Variants in GALNT2 observed in about 807,000 individuals in gnomAD.
GALNT2 encodes the protein polypeptide N-acetylgalactosaminyltransferase 2.
In GALNT2, 31 loss-of-function variants were observed where a neutral mutation model predicts 81.4. That is an observed-to-expected ratio of 0.38 (90% CI 0.29 to 0.51). GALNT2 has a LOEUF of 0.51. GALNT2 is among the 20% of genes least tolerant of loss of function. GALNT2 has a pLI of 0.87. For missense variants in GALNT2, 629 were observed against 765.7 expected, an observed-to-expected ratio of 0.82 and a Z score of 2.11; for synonymous variants, 303 against 287.4, an observed-to-expected ratio of 1.05 and a Z score of -0.55.
intron 1 of GALNT2, among the ~76,000 whole-genome samples, chr1:230,098,686 G>A (rs1221520776): frequency 6.6e-6 from 1 of 152,136 alleles, no homozygotes; most frequent in Admixed American, 6.5e-5. Context: ...TAACATCAAG[G>A]TTGTTTGATC....
intron 3 of GALNT2, among the ~76,000 whole-genome samples, chr1:230,207,735 C>T (rs888768271): frequency 2.0e-5 from 3 of 151,954 alleles, no homozygotes; most frequent in Non-Finnish European, 4.4e-5. Flanking sequence ...ACCGTGGGTG[C>T]GCATCATGAC....
intron 3 of GALNT2, among the ~76,000 whole-genome samples, chr1:230,217,037 A>G (rs1031191972): frequency 1.8e-4 from 27 of 152,212 alleles, no homozygotes; most frequent in Admixed American, 1.4e-3. Context: ...TGCTAACTAC[A>G]TGACAGGTGT....
rs566417781 is a variant in GALNT2, at chr1:230,151,667, A to G, written c.127-26551A>G. On this transcript the variant is annotated intron_variant, in intron 1 of 15. Transcript: ENST00000366672. Reference sequence around the variant, plus strand: ...GCTCCTCAGTTCATTGATGGCTTCAACTACAGATGAACCAGTGTTACAGGA... The same window carrying G: ...GCTCCTCAGTTCATTGATGGCTTCAGCTACAGATGAACCAGTGTTACAGGA... Among the ~76,000 whole-genome samples, 22 of 152,340 alleles carry G rather than the reference A, an allele frequency of 1.4e-4. No individual in the cohort carries two copies. The South Asian group carries it at 4.3e-3, about 30-fold the overall frequency.
intron 3 of GALNT2, among the ~76,000 whole-genome samples, chr1:230,220,258 A>G (rs1572101001): frequency 7.0e-6 from 1 of 143,214 alleles, no homozygotes; most frequent in East Asian, 2.2e-4. Flanking sequence ...AATATGATAC[A>G]GATTTTTTTC....
intron 1 of GALNT2, among the ~76,000 whole-genome samples, chr1:230,132,577 C>G (rs994596536): frequency 2.0e-5 from 3 of 152,112 alleles, no homozygotes; most frequent in African/African-American, 7.2e-5. Flanking sequence ...AGGGACTGTA[C>G]TAGAGAGGTG....
chr1:230,080,138 G>GA (rs1659682484), intron 1 of GALNT2, among the ~76,000 whole-genome samples: 1 of 152,208 alleles, frequency 6.6e-6, no homozygotes, highest in Admixed American at 6.5e-5. Flanking sequence ...AGAGTGTGTG[G>GA]AGTCATTTTC....
In GALNT2 at chr1:230,279,299, G is replaced by A. The variant is rs199959877; in HGVS notation, c.1561-4G>A. The A allele has an allele frequency of 2.2e-4, 356 of 1,613,366 alleles. 1 individual carries two copies. Among genetic ancestry groups the A allele is most frequent in the East Asian group, 1.7e-3 (77 of 44,846 alleles). ...ACTCTAAGGCACTCTCCTGTGTCTTGCAGAAATGGGAACAGATCGAGGGCA... is the reference window on the plus strand; with the variant it reads ...ACTCTAAGGCACTCTCCTGTGTCTTACAGAAATGGGAACAGATCGAGGGCA... On this transcript the variant is annotated splice_polypyrimidine_tract_variant and splice_region_variant and intron_variant, in intron 15 of 15. Coordinates refer to ENST00000366672, the MANE Select transcript of GALNT2 (RefSeq NM_004481.5). The surrounding 1 kb of genome is among the most constrained non-coding windows in gnomAD (Gnocchi z 4.6).
At position 230,089,352 on chromosome 1, in the gene GALNT2, G is replaced by C. The variant is rs7555235; in HGVS notation, c.126+21946G>C. Among the ~76,000 whole-genome samples the C allele has an allele frequency of 4.0e-3, 612 of 151,858 alleles. 3 individuals carry two copies. The highest frequency in any genetic ancestry group is 0.014 in the African/African-American group (590 of 41,400). On this transcript the variant is annotated intron_variant, in intron 1 of 15. Transcript: ENST00000366672. ...GTGTGTGTGTTTTTAGTGGAGATGG[G>C]GTTTCGCCATGTTGGCCAGGCTGGT...
At chr1:230,219,787 AT>A (rs1270136419) in intron 3 of GALNT2, among the ~76,000 whole-genome samples, 3 of 152,132 alleles carry the variant, frequency 2.0e-5, no homozygotes, top group African/African-American at 7.2e-5. Context: ...ACCTTTCTAA[AT>A]GGGTGTGTCC....
chr1:230,126,072 G>A lies in GALNT2; in HGVS notation c.127-52146G>A, dbSNP rs74145449. Among the ~76,000 whole-genome samples, 669 of 152,352 alleles carry A rather than the reference G, an allele frequency of 4.4e-3. 8 individuals carry two copies. The highest frequency in any genetic ancestry group is 0.015 in the African/African-American group (606 of 41,578). On this transcript the variant is annotated intron_variant, in intron 1 of 15. Coordinates refer to ENST00000366672, the MANE Select transcript of GALNT2 (RefSeq NM_004481.5). ...TGGGCTACAGCCAAAGAGGAGCGAG[G>A]AGCAGGGAGGCCTTTTGGAACAGAA...
At chr1:230,067,204 G>T, upstream of GALNT2, 1 of 928,092 alleles carries the variant, frequency 1.1e-6, no homozygotes, top group East Asian at 4.3e-5. Flanking sequence ...CTCCTCCCCC[G>T]GCCCCCACCG....
At chr1:230,164,980 G>C (rs1462628268) in intron 1 of GALNT2, among the ~76,000 whole-genome samples, 1 of 152,192 alleles carries the variant, frequency 6.6e-6, no homozygotes, top group Non-Finnish European at 1.5e-5. Flanking sequence ...TCCTGTAGTG[G>C]CTTTGGGCAG....
At chr1:230,237,141 G>C (rs1187941730) in intron 6 of GALNT2, among the ~76,000 whole-genome samples, 1 of 152,178 alleles carries the variant, frequency 6.6e-6, no homozygotes, top group Admixed American at 6.5e-5. Context: ...ATCCAAAATG[G>C]GGAGACAGTA....
chr1:230,113,089 CT>C (rs1467239621), intron 1 of GALNT2, among the ~76,000 whole-genome samples: 1 of 152,066 alleles, frequency 6.6e-6, no homozygotes, highest in East Asian at 1.9e-4. Context: ...TGTTTCTGGC[CT>C]GAGGAAGTGT....
At chr1:230,273,844 A>G (rs1025205273) in intron 14 of GALNT2, among the ~76,000 whole-genome samples, 2 of 152,244 alleles carry the variant, frequency 1.3e-5, no homozygotes, top group African/African-American at 4.8e-5. Context: ...TTTAGCTGTA[A>G]TGTATTCAAA....
intron 1 of GALNT2, among the ~76,000 whole-genome samples, chr1:230,111,037 A>G (rs894238626): frequency 3.3e-5 from 5 of 152,134 alleles, no homozygotes; most frequent in African/African-American, 2.4e-5. Context: ...ACGTATATAT[A>G]CTGTGCATGC....
chr1:230,127,973 G>A (rs868735930), intron 1 of GALNT2, among the ~76,000 whole-genome samples: 1 of 151,422 alleles, frequency 6.6e-6, no homozygotes, highest in Non-Finnish European at 1.5e-5. Context: ...CTATCCCAGC[G>A]GCCCCCAAGG....
rs559900000 is a variant in GALNT2, at chr1:230,232,783, G to A, written c.375-3231G>A. On this transcript the variant is annotated intron_variant, in intron 3 of 15. Coordinates refer to ENST00000366672, the MANE Select transcript of GALNT2 (RefSeq NM_004481.5). Reference sequence around the variant, plus strand: ...TAACAATCTGCTAATTCTTAAAATTGGAAAAAAGAAAGAAAAACCAGCCTG... The same window carrying A: ...TAACAATCTGCTAATTCTTAAAATTAGAAAAAAGAAAGAAAAACCAGCCTG... 3.3e-5 allele frequency among the ~76,000 whole-genome samples: 5 copies of A among 152,118 alleles called. No individual in the cohort carries two copies. The South Asian group carries it at 1.0e-3, about 32-fold the overall frequency.
intron 1 of GALNT2, among the ~76,000 whole-genome samples, chr1:230,073,580 T>C (rs572927306): frequency 1.3e-5 from 2 of 152,344 alleles, no homozygotes; most frequent in East Asian, 3.9e-4. Flanking sequence ...CTTAGCATGC[T>C]GAAATGTAGA....
Sources: gnomAD v4.1 joint callset for allele counts (sites outside exome capture counted in the v4.1 genomes callset) on GRCh38, gnomAD v4.1.1 for gene constraint, Gnocchi (gnomAD v3.1) non-coding constraint, MANE v1.5 for transcripts, NCBI Gene and HGNC (gene_info 2026-07-23, HGNC 2026-07-21) for gene names.